REV3L: variants seen among roughly 807,000 people sequenced by gnomAD.
REV3L encodes the protein DNA polymerase zeta catalytic subunit.
REV3L carries 69 observed loss-of-function variants against 299.4 expected under a neutral mutation model. The observed-to-expected ratio is 0.23, with a 90% confidence interval of 0.19 to 0.28. The LOEUF is 0.28. REV3L is among the 10% of genes least tolerant of loss of function. REV3L has a pLI of 1.00. For synonymous variants in REV3L, 1,238 were observed against 1,271.4 expected (o/e 0.97, Z 0.56); for missense variants, 3,128 against 3,693.8 (o/e 0.85, Z 3.97).
Position 111,437,579 on chromosome 6 carries a change from G to T in REV3L, c.140-21107C>A, listed in dbSNP as rs192084304. The stretch of plus-strand genomic sequence containing the variant: ...AAAAATTTTAAATATTATGCTAAGG[G>T]AGCCAGACACAAAAAATCACATATT... On this transcript the variant is annotated intron_variant, in intron 1 of 31. Coordinates refer to ENST00000368802, the MANE Select transcript of REV3L (RefSeq NM_001372078.1). 6.0e-5 allele frequency among the ~76,000 whole-genome samples: 9 copies of T among 150,906 alleles called. No homozygotes were observed. The East Asian group carries it at 1.7e-3, about 29-fold the overall frequency.
intron 3 of REV3L, among the ~76,000 whole-genome samples, chr6:111,408,582 C>A (rs1019909151): frequency 2.0e-5 from 3 of 149,298 alleles, no homozygotes; most frequent in South Asian, 2.2e-4. Flanking sequence ...CCAGCCTGGG[C>A]AACAGTGAGA....
At chr6:111,382,792 C>T (rs562241002) in intron 9 of REV3L, among the ~76,000 whole-genome samples, 9 of 152,184 alleles carry the variant, frequency 5.9e-5, no homozygotes, top group Non-Finnish European at 1.3e-4. Context: ...CACCCCCCCT[C>T]CCCCAACCTT....
intron 16 of REV3L, among the ~76,000 whole-genome samples, chr6:111,359,931 G>A (rs902330045): frequency 2.6e-5 from 4 of 152,184 alleles, no homozygotes; most frequent in African/African-American, 9.7e-5. Flanking sequence ...AGTGACAGGA[G>A]TAGAATTTGG....
intron 31 of REV3L, among the ~76,000 whole-genome samples, chr6:111,301,806 G>A (rs2114675328): frequency 6.6e-6 from 1 of 152,080 alleles, no homozygotes; most frequent in South Asian, 2.1e-4. Context: ...AAAGTCTCAA[G>A]TTGCATATAT....
intron 6 of REV3L, 47 bp downstream of exon 6, chr6:111,390,039 T>C (rs900351437): frequency 7.2e-7 from 1 of 1,383,888 alleles, no homozygotes; most frequent in African/African-American, 1.5e-5. Flanking sequence ...CGCCGGTCAT[T>C]AATTTTAAAA....
At chr6:111,483,250 G>T (rs1439988471), upstream of REV3L, 2 of 485,836 alleles carry the variant, frequency 4.1e-6, no homozygotes, top group East Asian at 3.5e-5. Context: ...GGGAGAGGGG[G>T]GTGTGTGTGG....
chr6:111,471,024 T>C (rs1792139507), intron 1 of REV3L, among the ~76,000 whole-genome samples: 1 of 152,102 alleles, frequency 6.6e-6, no homozygotes, highest in African/African-American at 2.4e-5. Context: ...GACAATGTTA[T>C]TAAACAAAAC....
chr6:111,309,710 C>T (rs781780580), intron 30 of REV3L, 143 bp downstream of exon 30: 10 of 885,192 alleles, frequency 1.1e-5, no homozygotes, highest in South Asian at 2.3e-5. Context: ...CTTCCCCTCC[C>T]GCTTTCCGTA....
At position 111,375,101 on chromosome 6, in the gene REV3L, A is replaced by G. The variant is rs758166172; in HGVS notation, c.3254T>C (p.Leu1085Pro). ...SFRKKRSHAI[L>P]SPPSPSYNAE... is the part of the protein sequence containing the mutation. The stretch of plus-strand genomic sequence containing the variant: ...ATTGTAAGATGGTGAGGGAGGAGAA[A>G]GAATAGCATGTGACCGTTTTTTCCT... Residue 1085 changes from leucine (L) to proline (P), a missense_variant, in exon 13 of 32, where the codon CTT (leucine) becomes CCT (proline). Leu to Pro is a moderately conservative substitution (Grantham distance 98). This residue lies in a region of REV3L where 2,409 missense variants were observed against 2,611.8 expected (regional missense o/e 0.92). Coordinates refer to ENST00000368802, the MANE Select transcript of REV3L (RefSeq NM_001372078.1). 3 of 1,613,606 alleles carry G rather than the reference A, an allele frequency of 1.9e-6. No individual in the cohort carries two copies. The South Asian group carries it at 3.3e-5, about 18-fold the overall frequency.
intron 4 of REV3L, among the ~76,000 whole-genome samples, chr6:111,402,073 T>C (rs968313519): frequency 4.6e-5 from 7 of 151,982 alleles, no homozygotes; most frequent in African/African-American, 2.4e-5. Context: ...ATGTTCACAC[T>C]ATTGCACTCC....
Position 111,376,192 on chromosome 6 carries a change from A to C in REV3L, c.2163T>G (p.Ser721=), listed in dbSNP as rs781252165. 2 of 1,612,744 alleles carry C rather than the reference A, an allele frequency of 1.2e-6. No individual in the cohort carries two copies. The highest frequency in any genetic ancestry group is 1.7e-6 in the Non-Finnish European group (2 of 1,179,866). Residue 721 remains serine (S), a synonymous_variant, in exon 13 of 32, where the codon TCT becomes TCG. Transcript: ENST00000368802. The part of the protein sequence containing the change: ...DLNHSKNKVS[S]EGNEKGNSTA... ...TGCTGTTTCCTTTTTCATTTCCTTC[A>C]GAGGATACTTTATTTTTTGAATGAT...
chr6:111,334,157 T>C (rs1250548119), intron 22 of REV3L, among the ~76,000 whole-genome samples: 2 of 152,170 alleles, frequency 1.3e-5, no homozygotes, highest in Non-Finnish European at 2.9e-5. Flanking sequence ...CAAGGTGGTC[T>C]TGAACTCCTG....
At chr6:111,358,778 A>T in intron 17 of REV3L, 44 bp downstream of exon 17, 2 of 1,423,704 alleles carry the variant, frequency 1.4e-6, no homozygotes, top group African/African-American at 1.4e-5. Flanking sequence ...TAAAACATTC[A>T]CCCTAGAGTG....
intron 1 of REV3L, among the ~76,000 whole-genome samples, chr6:111,426,948 T>C (rs1395627633): frequency 1.3e-5 from 2 of 152,198 alleles, no homozygotes; most frequent in African/African-American, 4.8e-5. Context: ...AATTCTGGCT[T>C]GTAAAACAAA....
intron 27 of REV3L, among the ~76,000 whole-genome samples, chr6:111,314,343 T>C: frequency 6.6e-6 from 1 of 152,170 alleles, no homozygotes; most frequent in Non-Finnish European, 1.5e-5. Flanking sequence ...TCCCTTTAAA[T>C]CTAGAGAGGC....
chr6:111,452,193 A>G (rs1487892560), intron 1 of REV3L, among the ~76,000 whole-genome samples: 3 of 152,174 alleles, frequency 2.0e-5, no homozygotes, highest in Admixed American at 6.5e-5. Flanking sequence ...CAGAATTTTA[A>G]AAGACTAAAT....
chr6:111,444,618 A>G (rs1289947463), intron 1 of REV3L, among the ~76,000 whole-genome samples: 1 of 152,220 alleles, frequency 6.6e-6, no homozygotes. Flanking sequence ...ACGACTGATA[A>G]TATATCAAAT....
rs9487615 is a variant in REV3L at position 111,319,161 on chromosome 6, A to C, written c.8351+3408T>G. 3.4e-3 allele frequency among the ~76,000 whole-genome samples: 514 copies of C among 152,324 alleles called. 4 individuals carry two copies. The highest frequency in any genetic ancestry group is 0.012 in the African/African-American group (492 of 41,584). On this transcript the variant is annotated intron_variant, in intron 26 of 31. Transcript: ENST00000368802. ...AAAGAAATAAAGGTACATATACTTT[A>C]CATCTTAAAAGTTATTATTGGCTGG...
At chr6:111,365,780 GA>G (rs1562189377) in intron 14 of REV3L, among the ~76,000 whole-genome samples, 1 of 152,130 alleles carries the variant, frequency 6.6e-6, no homozygotes, top group East Asian at 1.9e-4. Context: ...TGTAGTCAAG[GA>G]GATTAGGGAA....
Sources: gnomAD v4.1 joint callset for allele counts (sites outside exome capture counted in the v4.1 genomes callset) on GRCh38, gnomAD v4.1.1 for gene constraint, gnomAD v4.1.1 regional missense constraint, MANE v1.5 for transcripts, NCBI Gene and HGNC (gene_info 2026-07-23, HGNC 2026-07-21) for gene names.